LDAH: variants seen among roughly 807,000 people sequenced by gnomAD.
LDAH encodes lipid droplet associated hydrolase.
Under a neutral mutation model 29.6 loss-of-function variants are expected in LDAH, and 26 were observed. That is an observed-to-expected ratio of 0.88 (90% CI 0.64 to 1.22). The LOEUF (loss-of-function observed/expected upper bound fraction) is 1.22, where lower values mean the gene tolerates loss of function less well. LDAH is among the 50% of genes most tolerant of loss of function. LDAH has a pLI of 0.00. For synonymous variants in LDAH, 117 were observed against 133.0 expected (o/e 0.88, Z 0.83); for missense variants, 344 against 387.3 (o/e 0.89, Z 0.94).
At chr2:20,785,867 T>TA (rs1670512764) in intron 3 of LDAH, among the ~76,000 whole-genome samples, 3 of 152,328 alleles carry the variant, frequency 2.0e-5, no homozygotes, top group Admixed American at 2.0e-4. Flanking sequence ...TTTTGATTCT[T>TA]TCTTAAGAGT....
At position 20,716,858 on chromosome 2, in the gene LDAH, T is replaced by G. The variant is rs906553887; in HGVS notation, c.704-15206A>C. Among the ~76,000 whole-genome samples, 4 of 92,434 alleles carry G rather than the reference T, an allele frequency of 4.3e-5. No homozygotes were observed. In the Admixed American group the frequency reaches 4.8e-4, roughly 11 times the overall value. The allele number at this position is 92,434 out of a possible 152,430, so 60.6% of individuals were successfully genotyped here. Reference sequence around the variant, plus strand: ...TGAGCAATTTCGGAATTGGATTTTTTTTTCCCAGAGCCTCCAGACAAGAAG... The same window carrying G: ...TGAGCAATTTCGGAATTGGATTTTTGTTTCCCAGAGCCTCCAGACAAGAAG... On this transcript the variant is annotated intron_variant, in intron 5 of 6. Coordinates refer to ENST00000237822, the MANE Select transcript of LDAH (RefSeq NM_021925.4).
chr2:20,709,095 C>CT (rs1459094405), intron 5 of LDAH, among the ~76,000 whole-genome samples: 13 of 152,110 alleles, frequency 8.5e-5, no homozygotes, highest in Admixed American at 7.2e-4. Context: ...CAAAATTCAG[C>CT]TTTTTGAGTG....
chr2:20,748,652 AGCACCT>A (rs1558439503), intron 4 of LDAH, among the ~76,000 whole-genome samples: 1 of 152,218 alleles, frequency 6.6e-6, no homozygotes, highest in Non-Finnish European at 1.5e-5. Context: ...TCTCTTAGGA[AGCACCT>A]GTTATTTTGA....
chr2:20,766,435 G>A (rs562203007), intron 4 of LDAH, among the ~76,000 whole-genome samples: 1 of 152,164 alleles, frequency 6.6e-6, no homozygotes, highest in African/African-American at 2.4e-5. Context: ...CCTCTGCCAT[G>A]GGACTTGAAT....
intron 4 of LDAH, among the ~76,000 whole-genome samples, chr2:20,754,747 A>T (rs1668213546): frequency 6.6e-6 from 1 of 152,158 alleles, no homozygotes; most frequent in African/African-American, 2.4e-5. Flanking sequence ...CAAAATCAGG[A>T]TAATCTCTTT....
At chr2:20,800,341 C>T (rs909499696) in intron 2 of LDAH, among the ~76,000 whole-genome samples, 1 of 152,132 alleles carries the variant, frequency 6.6e-6, no homozygotes, top group Non-Finnish European at 1.5e-5. Flanking sequence ...ATTCTTGTCA[C>T]GTATGACAGA....
Position 20,801,405 on chromosome 2 carries a change from C to T in LDAH, c.59G>A (p.Gly20Glu), listed in dbSNP as rs1405526272. ...PVHEEFILCG[G>E]AETQVLKCGP... The stretch of plus-strand genomic sequence containing the variant: ...ACATTTTAGAACCTGGGTTTCGGCT[C>T]CACCACACAAAATGAATTCCTCATG... The change falls in exon 2 of 7, where the codon GGA (glycine) becomes GAA (glutamate). Residue 20 changes from glycine to glutamate, a missense_variant. Transcript: ENST00000237822. The T allele has an allele frequency of 2.5e-6, 4 of 1,613,964 alleles. No individual in the cohort carries two copies. The highest frequency in any genetic ancestry group is 3.4e-6 in the Non-Finnish European group (4 of 1,179,986).
intron 4 of LDAH, among the ~76,000 whole-genome samples, chr2:20,744,442 C>T (rs1667431413): frequency 6.6e-6 from 1 of 152,116 alleles, no homozygotes; most frequent in South Asian, 2.1e-4. Flanking sequence ...AGTGTTTCCT[C>T]AGTATTCTTC....
chr2:20,750,664 A>G (rs1295878324), intron 4 of LDAH, among the ~76,000 whole-genome samples: 1 of 152,232 alleles, frequency 6.6e-6, no homozygotes, highest in Non-Finnish European at 1.5e-5. Flanking sequence ...GTCACCATTA[A>G]ATCAAAGACT....
At chr2:20,752,305 A>G (rs1294965628) in intron 4 of LDAH, among the ~76,000 whole-genome samples, 1 of 152,230 alleles carries the variant, frequency 6.6e-6, no homozygotes, top group East Asian at 1.9e-4. Flanking sequence ...GTGGAAAGAA[A>G]ATCAGACACC....
rs115362646 is a variant in LDAH, at chr2:20,772,856, A to C, written c.468+1954T>G. 7.3e-3 allele frequency among the ~76,000 whole-genome samples: 1,117 copies of C among 152,280 alleles called. 7 individuals carry two copies. The highest frequency in any genetic ancestry group is 0.017 in the Middle Eastern group (5 of 294). ...CTCAAGGAATGGGATCCTGTCAAAA[A>C]CCACAAGAGTGAGCCTGGATGCAGA... On this transcript the variant is annotated intron_variant, in intron 4 of 6. Coordinates refer to ENST00000237822, the MANE Select transcript of LDAH (RefSeq NM_021925.4).
At chr2:20,697,741 G>A (rs73239148) in intron 6 of LDAH, among the ~76,000 whole-genome samples, 2,138 of 152,220 alleles carry the variant, frequency 0.014, 48 homozygotes, top group African/African-American at 0.049. Flanking sequence ...GCGGTGTACA[G>A]GTCCAGAGGT....
chr2:20,764,365 C>T (rs1367125465), intron 4 of LDAH, among the ~76,000 whole-genome samples: 2 of 152,194 alleles, frequency 1.3e-5, no homozygotes, highest in African/African-American at 4.8e-5. Flanking sequence ...GTTTTTCACG[C>T]AGCAGGATTT....
Position 20,735,101 on chromosome 2 carries a change from T to C in LDAH, c.703+4870A>G, listed in dbSNP as rs891509474. Among the ~76,000 whole-genome samples the C allele has an allele frequency of 3.3e-5, 5 of 152,306 alleles. 1 individual carries two copies. The highest frequency in any genetic ancestry group is 4.1e-4 in the South Asian group (2 of 4,834). The stretch of plus-strand genomic sequence containing the variant: ...AAAGCTTGGTTATGGTGTTTTAGTA[T>C]AGATTTCTTTGGGTTTATTCTGTTT... On this transcript the variant is annotated intron_variant, in intron 5 of 6. Coordinates refer to ENST00000237822, the MANE Select transcript of LDAH (RefSeq NM_021925.4).
intron 5 of LDAH, among the ~76,000 whole-genome samples, chr2:20,733,025 C>T (rs895759154): frequency 5.3e-5 from 8 of 151,750 alleles, no homozygotes; most frequent in African/African-American, 1.9e-4. Context: ...CTTGTTATTT[C>T]TTTCCTTTTC....
At chr2:20,747,591 C>G (rs1010292179) in intron 4 of LDAH, among the ~76,000 whole-genome samples, 5 of 152,102 alleles carry the variant, frequency 3.3e-5, no homozygotes, top group African/African-American at 4.8e-5. Flanking sequence ...TAGGATCACA[C>G]TGGAAACACA....
chr2:20,788,022 C>T (rs967798078), intron 3 of LDAH, among the ~76,000 whole-genome samples: 1 of 152,092 alleles, frequency 6.6e-6, no homozygotes, highest in African/African-American at 2.4e-5. Flanking sequence ...ATAATTAAAC[C>T]ATTATGAAGT....
chr2:20,777,773 T>C (rs564896), intron 3 of LDAH, among the ~76,000 whole-genome samples: 53,334 of 152,044 alleles, frequency 0.35, 9,832 homozygotes, highest in South Asian at 0.54. Context: ...GAAAATGAAA[T>C]GTTAAAAGAC....
intron 5 of LDAH, among the ~76,000 whole-genome samples, chr2:20,725,220 T>C (rs1665929183): frequency 1.3e-5 from 2 of 152,082 alleles, no homozygotes; most frequent in African/African-American, 4.8e-5. Flanking sequence ...AGCACCATGA[T>C]GGGGGGTGGC....
Sources: gnomAD v4.1 joint callset for allele counts (sites outside exome capture counted in the v4.1 genomes callset) on GRCh38, gnomAD v4.1.1 for gene constraint, MANE v1.5 for transcripts, NCBI Gene and HGNC (gene_info 2026-07-23, HGNC 2026-07-21) for gene names.